The following ABTB2 variants were observed in gnomAD, a reference collection of about 807,000 sequenced individuals.
The protein encoded by ABTB2 is ankyrin repeat and BTB/POZ domain-containing protein 2.
Under a neutral mutation model 104.1 loss-of-function variants are expected in ABTB2, and 56 were observed. That is an observed-to-expected ratio of 0.54 (90% confidence interval 0.43 to 0.67). The LOEUF is 0.67. Among genes scored for constraint, ABTB2 ranks in the 30% least tolerant of loss-of-function variants. The pLI is 0.00. For synonymous variants in ABTB2, 606 were observed against 608.2 expected (o/e 1.00, Z 0.05); for missense variants, 1,279 against 1,407.7 (o/e 0.91, Z 1.46).
intron 1 of ABTB2, among the ~76,000 whole-genome samples, chr11:34,223,006 T>G (rs765602248): frequency 2.6e-5 from 4 of 152,152 alleles, no homozygotes; most frequent in Non-Finnish European, 5.9e-5. Context: ...TGTGACCCTG[T>G]GTATTTAAAC....
At chr11:34,180,463 G>A (rs116145116) in intron 3 of ABTB2, among the ~76,000 whole-genome samples, 107 of 152,288 alleles carry the variant, frequency 7.0e-4, no homozygotes, top group African/African-American at 2.3e-3. Context: ...CAGCCCAAAG[G>A]CCTAACCTAA....
At chr11:34,212,423 T>C (rs1460666584) in intron 1 of ABTB2, among the ~76,000 whole-genome samples, 2 of 152,256 alleles carry the variant, frequency 1.3e-5, no homozygotes, top group African/African-American at 4.8e-5. Flanking sequence ...GAGTAGGTCC[T>C]TTCTGCCAGG....
At chr11:34,291,865 T>G (rs528758022) in intron 1 of ABTB2, among the ~76,000 whole-genome samples, 7 of 152,126 alleles carry the variant, frequency 4.6e-5, no homozygotes, top group Admixed American at 3.3e-4. Flanking sequence ...TTGGGCAAAG[T>G]GGTCTGTAAA....
chr11:34,184,300 T>C (rs1235954912), intron 3 of ABTB2, among the ~76,000 whole-genome samples: 1 of 152,150 alleles, frequency 6.6e-6, no homozygotes, highest in Non-Finnish European at 1.5e-5. Context: ...GTGTTCCAAA[T>C]GCAACAACTT....
intron 1 of ABTB2, among the ~76,000 whole-genome samples, chr11:34,275,466 C>T (rs11032590): frequency 0.036 from 5,460 of 152,252 alleles, 348 homozygotes; most frequent in African/African-American, 0.12. Flanking sequence ...ACATGCCTCC[C>T]CTGAATACAG....
intron 3 of ABTB2, among the ~76,000 whole-genome samples, chr11:34,178,292 G>C (rs7121259): frequency 0.49 from 74,744 of 151,732 alleles, 19,080 homozygotes; most frequent in East Asian, 0.91. Context: ...GGATCTGTGG[G>C]AAGGTAAAAA....
In ABTB2 at chr11:34,204,567, C is replaced by G; in HGVS notation, c.1007G>C (p.Cys336Ser). 6.2e-7 allele frequency: 1 copy of G among 1,612,436 alleles called. No individual in the cohort carries two copies. ...ACTCAGCTCCGAGATGCTGCCCACG[C>G]AGGTGGCCAGGAGGGACTGCTCCAG... ...RTLEQSLLAT[C>S]VGSISELSDL... is the part of the protein sequence containing the mutation. Residue 336 changes from cysteine (C) to serine (S), a missense_variant, in exon 2 of 17, where the codon TGC becomes TCC. Cys to Ser is a moderately radical substitution (Grantham distance 112). Coordinates refer to ENST00000435224, the MANE Select transcript of ABTB2 (RefSeq NM_145804.3).
chr11:34,173,285 G>A lies in ABTB2; in HGVS notation c.1267C>T (p.Leu423Phe). Residue 423 changes from leucine to phenylalanine, a missense_variant, in exon 4 of 17, where the codon CTC becomes TTC. Leu to Phe is a conservative substitution (Grantham distance 22). Coordinates refer to ENST00000435224, the MANE Select transcript of ABTB2 (RefSeq NM_145804.3). ...NERPFMLLPP[L>F]MEWMRVAITY... ...ATGGCCACGCGCATCCACTCCATGA[G>A]GGGCGGCAGCAGCATGAAGGGCCTG... 1.2e-6 allele frequency: 2 copies of A among 1,602,920 alleles called. No individual in the cohort carries two copies. The highest frequency in any genetic ancestry group is 1.7e-6 in the Non-Finnish European group (2 of 1,174,896).
chr11:34,236,585 AC>A (rs1853847102), intron 1 of ABTB2, among the ~76,000 whole-genome samples: 1 of 151,844 alleles, frequency 6.6e-6, no homozygotes. Context: ...CCTCCCCGGC[AC>A]CCCCTCCCCT....
chr11:34,196,729 C>T (rs1853261173), intron 3 of ABTB2, among the ~76,000 whole-genome samples: 1 of 152,156 alleles, frequency 6.6e-6, no homozygotes, highest in South Asian at 2.1e-4. Flanking sequence ...TGACTAGAAG[C>T]CCACAGGCTT....
At chr11:34,235,245 G>T (rs1398686236) in intron 1 of ABTB2, among the ~76,000 whole-genome samples, 1 of 152,186 alleles carries the variant, frequency 6.6e-6, no homozygotes, top group African/African-American at 2.4e-5. Flanking sequence ...GCATAGCAGG[G>T]ATTGCCTGAA....
chr11:34,235,730 A>T (rs2133059841), intron 1 of ABTB2, among the ~76,000 whole-genome samples: 1 of 152,336 alleles, frequency 6.6e-6, no homozygotes, highest in East Asian at 1.9e-4. Context: ...CCTATGAAGT[A>T]GCAACAAGTG....
chr11:34,215,503 C>A (rs934175640), intron 1 of ABTB2, among the ~76,000 whole-genome samples: 3 of 152,298 alleles, frequency 2.0e-5, no homozygotes, highest in East Asian at 1.9e-4. Context: ...ATAAACATAA[C>A]CTGCTTCAAT....
At chr11:34,273,277 G>C (rs919158640) in intron 1 of ABTB2, among the ~76,000 whole-genome samples, 12 of 152,110 alleles carry the variant, frequency 7.9e-5, no homozygotes, top group Non-Finnish European at 1.6e-4. Flanking sequence ...GATACACCAG[G>C]GGTCTACTTT....
chr11:34,233,992 C>T (rs1184181105), intron 1 of ABTB2, among the ~76,000 whole-genome samples: 1 of 152,112 alleles, frequency 6.6e-6, no homozygotes, highest in Non-Finnish European at 1.5e-5. Context: ...GTCATCGCTC[C>T]CTCAAATTTG....
At chr11:34,250,389 A>C (rs1565151330) in intron 1 of ABTB2, among the ~76,000 whole-genome samples, 1 of 152,220 alleles carries the variant, frequency 6.6e-6, no homozygotes, top group South Asian at 2.1e-4. Flanking sequence ...CATGTAGTGC[A>C]TATGCAATAA....
rs944230859 is a variant in ABTB2, at chr11:34,247,737, C to T, written c.884-43047G>A. ...CCACCAATTATAGCAATAGCTGATA[C>T]AGATTGTGCATTGACTACAAATCAG... is the stretch of plus-strand genomic sequence containing the variant. On this transcript the variant is annotated intron_variant, in intron 1 of 16. Coordinates refer to ENST00000435224, the MANE Select transcript of ABTB2 (RefSeq NM_145804.3). Among the ~76,000 whole-genome samples the T allele has an allele frequency of 6.6e-5, 10 of 152,348 alleles. No individual in the cohort carries two copies. The South Asian group carries it at 1.2e-3, about 19-fold the overall frequency.
chr11:34,164,025 G>A (rs1852759456), intron 9 of ABTB2, among the ~76,000 whole-genome samples: 1 of 152,100 alleles, frequency 6.6e-6, no homozygotes, highest in Non-Finnish European at 1.5e-5. Flanking sequence ...CTAGGGGAGG[G>A]GACCCCAGCC....
At chr11:34,228,581 T>C (rs1233772328) in intron 1 of ABTB2, among the ~76,000 whole-genome samples, 2 of 152,046 alleles carry the variant, frequency 1.3e-5, no homozygotes, top group Non-Finnish European at 2.9e-5. Flanking sequence ...GATTTCACCA[T>C]GTTGGCCAGG....
Sources: gnomAD v4.1 joint callset for allele counts (sites outside exome capture counted in the v4.1 genomes callset) on GRCh38, gnomAD v4.1.1 for gene constraint, MANE v1.5 for transcripts, NCBI Gene and HGNC (gene_info 2026-07-23, HGNC 2026-07-21) for gene names.